The following SLC4A9 variants were observed in gnomAD, a reference collection of about 807,000 sequenced individuals.
SLC4A9 encodes solute carrier family 4 member 9.
SLC4A9 carries 102 observed loss-of-function variants against 103.2 expected under a neutral mutation model. That is an observed-to-expected ratio of 0.99 (90% CI 0.84 to 1.17). The LOEUF is 1.17. Ranked by LOEUF, SLC4A9 falls within the 50% of genes most tolerant of loss-of-function variation. SLC4A9 has a pLI of 0.00. For synonymous variants in SLC4A9, 453 were observed against 483.6 expected, an observed-to-expected ratio of 0.94 and a Z score of 0.83; for missense variants, 1,091 against 1,193.7, an observed-to-expected ratio of 0.91 and a Z score of 1.27.
intron 17 of SLC4A9, among the ~76,000 whole-genome samples, chr5:140,370,379 G>A (rs1360343753): frequency 2.6e-5 from 4 of 151,380 alleles, no homozygotes; most frequent in East Asian, 1.9e-4. Flanking sequence ...TATGAGAATC[G>A]CTTGAGCCTG....
chr5:140,362,577 CCTGTGTGTGT>C (rs767988594), intron 6 of SLC4A9, 45 bp downstream of exon 6: 1 of 1,565,548 alleles, frequency 6.4e-7, no homozygotes, highest in South Asian at 1.1e-5. Flanking sequence ...CGCGTGCATG[CCTGTGTGTGT>C]GTGCACACAT....
Position 140,364,631 on chromosome 5 carries a change from TA to T in SLC4A9, c.1651+8del. 6.3e-7 allele frequency: 1 copy of T among 1,597,298 alleles called. No individual in the cohort carries two copies. The highest frequency in any genetic ancestry group is 1.1e-5 in the South Asian group (1 of 88,356). Reference sequence around the variant, plus strand: ...CCAATACCCAGGCCCAGGAGGTGGGTAAGGGAAACAGGGACCTTGGTCAGGT... The same window carrying T: ...CCAATACCCAGGCCCAGGAGGTGGGTAGGGAAACAGGGACCTTGGTCAGGT... On this transcript the variant is annotated splice_region_variant and intron_variant, in intron 11 of 21. Coordinates refer to ENST00000506757, the MANE Select transcript of SLC4A9 (RefSeq NM_031467.3).
Position 140,364,433 on chromosome 5 carries a change from C to G in SLC4A9, c.1459C>G (p.Leu487Val). ...GIWVATFCLV[L>V]VATEASVLVR... is the part of the protein sequence containing the mutation. ...CTGGGTGGCTACCTTTTGCCTGGTG[C>G]TGGTGGCCACAGAGGCCAGTGTGCT... The change falls in exon 11 of 22, where the codon CTG becomes GTG. Residue 487 changes from leucine (L) to valine (V), a missense_variant. Coordinates refer to ENST00000506757, the MANE Select transcript of SLC4A9 (RefSeq NM_031467.3). The G allele has an allele frequency of 6.2e-7, 1 of 1,613,646 alleles. No homozygotes were observed. The highest frequency in any genetic ancestry group is 1.3e-5 in the African/African-American group (1 of 75,058).
rs770110471 is a variant in SLC4A9, at chr5:140,367,472, G to A, written c.2066G>A (p.Trp689Ter). The A allele has an allele frequency of 1.9e-6, 3 of 1,609,036 alleles. No homozygotes were observed. In the African/African-American group the frequency reaches 4.0e-5, roughly 22 times the overall value. The change falls in exon 15 of 22, where the codon TGG becomes TAG. Residue 689 changes from tryptophan to a stop codon, truncating the protein, a stop_gained. Coordinates refer to ENST00000506757, the MANE Select transcript of SLC4A9 (RefSeq NM_031467.3). LOFTEE classifies it high-confidence loss of function. ...WLVSPFGANPWWWSVAAALPA... is the reference protein window; with the variant it reads ...WLVSPFGANP ...GTGTCACCTTTTGGAGCCAACCCCTGGTGGTGGAGTGTGGCAGCTGCCCTG... is the reference window on the plus strand; with the variant it reads ...GTGTCACCTTTTGGAGCCAACCCCTAGTGGTGGAGTGTGGCAGCTGCCCTG...
chr5:140,364,642 G>A lies in SLC4A9; in HGVS notation c.1651+17G>A. On this transcript the variant is annotated intron_variant, in intron 11 of 21. Transcript: ENST00000506757. Reference sequence around the variant, plus strand: ...GCCCAGGAGGTGGGTAAGGGAAACAGGGACCTTGGTCAGGTGAAGAAGGAT... The same window carrying A: ...GCCCAGGAGGTGGGTAAGGGAAACAAGGACCTTGGTCAGGTGAAGAAGGAT... The A allele has an allele frequency of 1.3e-6, 2 of 1,594,970 alleles. No individual in the cohort carries two copies. The highest frequency in any genetic ancestry group is 1.7e-6 in the Non-Finnish European group (2 of 1,170,310).
chr5:140,374,436 T>C (rs113343374), intron 21 of SLC4A9, among the ~76,000 whole-genome samples: 9,540 of 149,172 alleles, frequency 0.064, 321 homozygotes, highest in Middle Eastern at 0.13. Flanking sequence ...GGCAGACACC[T>C]GTAATCCCAG....
At position 140,367,882 on chromosome 5, in the gene SLC4A9, A is replaced by C. The variant is rs539434138; in HGVS notation, c.2338A>C (p.Asn780His). 78 of 1,613,810 alleles carry C rather than the reference A, an allele frequency of 4.8e-5. No homozygotes were observed. Among genetic ancestry groups the C allele is most frequent in the Admixed American group, 1.7e-4 (10 of 60,004 alleles). The change falls in exon 16 of 22, where the codon AAC (asparagine) becomes CAC (histidine). Residue 780 changes from asparagine to histidine, a missense_variant. Transcript: ENST00000506757. ...SRACAPGERP[N>H]FLGIREQRLT... is the part of the protein sequence containing the mutation. ...AGCCTGTGCCCCCGGGGAGCGCCCCAACTTCCTGGGTATCAGGTGAGGGCG... is the reference window on the plus strand; with the variant it reads ...AGCCTGTGCCCCCGGGGAGCGCCCCCACTTCCTGGGTATCAGGTGAGGGCG...
Position 140,363,377 on chromosome 5 carries a change from C to G in SLC4A9, c.963-62C>G, listed in dbSNP as rs1011489220. ...GCTAGGGGGCAGGGCGCCACGAGCT[C>G]TGGACCGAGTCGCAGACTGGTTGGA... On this transcript the variant is annotated intron_variant, in intron 7 of 21. Transcript: ENST00000506757. This position sits in a 1 kb window ranked among gnomAD's most constrained non-coding sequence, Gnocchi z 4.5. 1.4e-5 allele frequency: 21 copies of G among 1,468,978 alleles called. No individual in the cohort carries two copies. The highest frequency in any genetic ancestry group is 2.5e-5 in the East Asian group (1 of 40,420). The allele number at this position is 1,468,978 out of a possible 1,614,324, so 91.0% of individuals were successfully genotyped here. A position where few individuals can be genotyped will look rare whatever the true frequency, so the allele number is the denominator to read the frequency against.
In SLC4A9 at chr5:140,360,434, G is replaced by T; in HGVS notation, c.198G>T (p.Trp66Cys). 6.3e-7 allele frequency: 1 copy of T among 1,588,492 alleles called. No homozygotes were observed. Among genetic ancestry groups the T allele is most frequent in the Non-Finnish European group, 8.6e-7 (1 of 1,167,134 alleles). The change falls in exon 1 of 22, where the codon TGG becomes TGT. Residue 66 changes from tryptophan (W) to cysteine (C), a missense_variant. Coordinates refer to ENST00000506757, the MANE Select transcript of SLC4A9 (RefSeq NM_031467.3). ...LFIQLNELLG[W>C]PQALEWRETG... The stretch of plus-strand genomic sequence containing the variant: ...TTCAGCTGAATGAGCTGCTGGGCTG[G>T]CCCCAGGCGCTGGAGTGGAGAGAGA...
chr5:140,364,641 A>T lies in SLC4A9; in HGVS notation c.1651+16A>T. 1 of 1,595,260 alleles carries T rather than the reference A, an allele frequency of 6.3e-7. No individual in the cohort carries two copies. The highest frequency in any genetic ancestry group is 8.5e-7 in the Non-Finnish European group (1 of 1,170,402). ...GGCCCAGGAGGTGGGTAAGGGAAAC[A>T]GGGACCTTGGTCAGGTGAAGAAGGA... On this transcript the variant is annotated intron_variant, in intron 11 of 21. Coordinates refer to ENST00000506757, the MANE Select transcript of SLC4A9 (RefSeq NM_031467.3).
rs774535410 is a variant in SLC4A9, at chr5:140,371,158, AT to A, written c.2493del (p.Gln832SerfsTer6). 3 of 1,610,614 alleles carry A rather than the reference AT, an allele frequency of 1.9e-6. No individual in the cohort carries two copies. The highest frequency in any genetic ancestry group is 2.5e-6 in the Non-Finnish European group (3 of 1,178,210). The part of the protein sequence containing the change: ...LYMGVAALSS[I>X]QFTNRVKLLL... ...TATGGGGGTGGCAGCGCTCAGCAGC[AT>A]TCAGGTGAGCCCATTAAAATCACCT... is the stretch of plus-strand genomic sequence containing the variant. On this transcript the variant is annotated frameshift_variant, in exon 18 of 22. Transcript: ENST00000506757. LOFTEE classifies it high-confidence loss of function.
rs1253324732 is a variant in SLC4A9 at position 140,372,773 on chromosome 5, C to T, written c.2855C>T (p.Pro952Leu). Residue 952 changes from proline to leucine, a missense_variant, in exon 21 of 22, where the codon CCA becomes CTA. Coordinates refer to ENST00000506757, the MANE Select transcript of SLC4A9 (RefSeq NM_031467.3). ...GAGCTGATGTATCAGCCAAAGGCTC[C>T]AGAAATCAACATTTCTGTGAATTAG... ...DSELMYQPKA[P>L]EINISVN 1.3e-6 allele frequency: 2 copies of T among 1,578,718 alleles called. No homozygotes were observed. Among genetic ancestry groups the T allele is most frequent in the African/African-American group, 2.7e-5 (2 of 74,256 alleles).
chr5:140,362,084 T>G lies in SLC4A9; in HGVS notation c.629T>G (p.Leu210Arg). Residue 210 changes from leucine to arginine, a missense_variant, in exon 5 of 22, where the codon CTG (leucine) becomes CGG (arginine). By Grantham distance (102) the Leu-to-Arg change is moderately radical (BLOSUM62 -2). Coordinates refer to ENST00000506757, the MANE Select transcript of SLC4A9 (RefSeq NM_031467.3). ...AEAGTVLAGE[L>R]GFLAQPLGAF... ...GCAGGGACTGTGCTGGCAGGGGAGC[T>G]GGGCTTCCTGGCACAGCCACTGGGA... 1 of 1,584,314 alleles carries G rather than the reference T, an allele frequency of 6.3e-7. No homozygotes were observed. Among genetic ancestry groups the G allele is most frequent in the Non-Finnish European group, 8.5e-7 (1 of 1,172,652 alleles).
intron 2 of SLC4A9, 55 bp downstream of exon 2, chr5:140,361,027 A>T (rs1766999892): frequency 6.8e-7 from 1 of 1,462,432 alleles, no homozygotes; most frequent in East Asian, 2.5e-5. Context: ...TTTCCCCAGG[A>T]TTTCCCCTCC....
intron 17 of SLC4A9, chr5:140,370,781 T>C (rs1356322705): frequency 3.0e-6 from 1 of 336,692 alleles, no homozygotes; most frequent in South Asian, 3.8e-5. Context: ...AGGCGGTTAG[T>C]ATAGTGGGAG....
intron 1 of SLC4A9, 130 bp downstream of exon 1, chr5:140,360,596 G>C (rs754176093): frequency 4.7e-5 from 53 of 1,134,786 alleles, no homozygotes; most frequent in Non-Finnish European, 6.4e-5. Flanking sequence ...CCTTATTTCA[G>C]GGTCTTACCT....
At chr5:140,370,366 A>G (rs1055157620) in intron 17 of SLC4A9, among the ~76,000 whole-genome samples, 9 of 150,988 alleles carry the variant, frequency 6.0e-5, no homozygotes, top group African/African-American at 2.2e-4. Flanking sequence ...TGGGAGGCTG[A>G]GGTATGAGAA....
chr5:140,364,591 C>T lies in SLC4A9; in HGVS notation c.1617C>T (p.Ala539=). 1 of 1,601,384 alleles carries T rather than the reference C, an allele frequency of 6.2e-7. No individual in the cohort carries two copies. Residue 539 remains alanine, a synonymous_variant, in exon 11 of 22, where the codon GCC becomes GCT. Coordinates refer to ENST00000506757, the MANE Select transcript of SLC4A9 (RefSeq NM_031467.3). ...CTATCCAGAAGCCTGGGTCCTCTGCCTACGGGTGCCTCTGCCAATACCCAG... is the reference window on the plus strand; with the variant it reads ...CTATCCAGAAGCCTGGGTCCTCTGCTTACGGGTGCCTCTGCCAATACCCAG... ...TYPIQKPGSS[A]YGCLCQYPGP...
At chr5:140,368,472 A>C in intron 16 of SLC4A9, 115 bp from the exon 17 acceptor site, 1 of 756,192 alleles carries the variant, frequency 1.3e-6, no homozygotes, top group Non-Finnish European at 2.1e-6. Context: ...CTACTGGGGT[A>C]TTCCTCTAGT....
Sources: gnomAD v4.1 joint callset for allele counts (sites outside exome capture counted in the v4.1 genomes callset) on GRCh38, gnomAD v4.1.1 for gene constraint, Gnocchi (gnomAD v3.1) non-coding constraint, MANE v1.5 for transcripts, NCBI Gene and HGNC (gene_info 2026-07-23, HGNC 2026-07-21) for gene names.